The following HORMAD1 variants were observed in gnomAD, a reference collection of about 807,000 sequenced individuals.
HORMAD1 encodes the protein HORMA domain containing 1, also known as HORMA domain-containing protein 1.
In HORMAD1, 33 loss-of-function variants were observed where a neutral mutation model predicts 58.2. The ratio of observed to expected loss-of-function variants is 0.57; its 90% CI spans 0.43 to 0.76. HORMAD1 has a LOEUF of 0.76. Ranked by LOEUF, HORMAD1 falls within the 30% of genes least tolerant of loss-of-function variation. The pLI, the probability that HORMAD1 is intolerant of heterozygous loss-of-function variation, is 0.00. For synonymous variants in HORMAD1, 137 were observed against 144.6 expected (o/e 0.95, Z 0.38); for missense variants, 363 against 462.0 (o/e 0.79, Z 1.96).
intron 3 of HORMAD1, among the ~76,000 whole-genome samples, chr1:150,716,500 AGAGT>A (rs1652082107): frequency 6.6e-6 from 1 of 151,860 alleles, no homozygotes; most frequent in Admixed American, 6.6e-5. Context: ...TGAAATGTCC[AGAGT>A]AAGTAAATCT....
chr1:150,715,809 CATT>C (rs1652051792), intron 3 of HORMAD1, among the ~76,000 whole-genome samples: 1 of 151,914 alleles, frequency 6.6e-6, no homozygotes, highest in Admixed American at 6.6e-5. Context: ...TTTCTTTCAT[CATT>C]ATAAGCATAA....
chr1:150,717,793 G>A (rs1652130384), intron 2 of HORMAD1, among the ~76,000 whole-genome samples: 1 of 151,968 alleles, frequency 6.6e-6, no homozygotes, highest in African/African-American at 2.4e-5. Context: ...AGCTGGGCGT[G>A]GTGGCAGGCA....
chr1:150,708,288 C>A lies in HORMAD1; in HGVS notation c.515G>T (p.Cys172Phe). 6.2e-7 allele frequency: 1 copy of A among 1,604,304 alleles called. No individual in the cohort carries two copies. ...ATAGTAAAAAAGTTTCATGGTCAAA[C>A]AAACATCATTAGGTAAAGGCCCCAG... ...QNLGPLPNDV[C>F]LTMKLFYYDE... The change falls in exon 9 of 15, where the codon TGT becomes TTT. Residue 172 changes from cysteine to phenylalanine, a missense_variant. Cys to Phe is a radical substitution (Grantham distance 205). This residue lies in a region of HORMAD1 where 226 missense variants were observed against 257.8 expected (regional missense o/e 0.88). Coordinates refer to ENST00000361824, the MANE Select transcript of HORMAD1 (RefSeq NM_032132.5).
At chr1:150,720,440 C>CA (rs1285394029) in intron 1 of HORMAD1, among the ~76,000 whole-genome samples, 1 of 152,182 alleles carries the variant, frequency 6.6e-6, no homozygotes, top group Non-Finnish European at 1.5e-5. Context: ...CCTCCGGCCT[C>CA]AGCCGCCCAA....
In HORMAD1 at chr1:150,719,525, T is replaced by G. The variant is rs1444168344; in HGVS notation, c.-20A>C. The G allele has an allele frequency of 5.1e-6, 8 of 1,562,158 alleles. No homozygotes were observed. The highest frequency in any genetic ancestry group is 7.0e-6 in the Non-Finnish European group (8 of 1,149,450). On this transcript the variant is annotated 5_prime_UTR_variant, in exon 2 of 15. Coordinates refer to ENST00000361824, the MANE Select transcript of HORMAD1 (RefSeq NM_032132.5). ...GGCCATCTTCTTCTGATAAAGTATT[T>G]TCTTTAATTCAACCTTGTGACACAA...
In HORMAD1 at chr1:150,698,896, T is replaced by G. The variant is rs587639484; in HGVS notation, c.1105-162A>C. The G allele has an allele frequency of 2.5e-4, 121 of 483,502 alleles. 1 individual carries two copies. The highest frequency in any genetic ancestry group is 2.1e-3 in the African/African-American group (105 of 49,846). The allele number at this position is 483,502 out of a possible 1,614,324, so 30.0% of individuals were successfully genotyped here. A position where few individuals can be genotyped will look rare whatever the true frequency, so the allele number is the denominator to read the frequency against. On this transcript the variant is annotated intron_variant, in intron 14 of 14. Transcript: ENST00000361824. Reference sequence around the variant, plus strand: ...GGGTTTCTTAAAAGTAGAGTAAAATTTATTATTAACATCTTCCAATGGCTG... The same window carrying G: ...GGGTTTCTTAAAAGTAGAGTAAAATGTATTATTAACATCTTCCAATGGCTG...
At chr1:150,703,967 A>T in intron 12 of HORMAD1, 151 bp downstream of exon 12, 3 of 571,832 alleles carry the variant, frequency 5.2e-6, no homozygotes, top group Non-Finnish European at 9.1e-6. Flanking sequence ...ATCAACATAT[A>T]ATTTCCAGAT....
intron 10 of HORMAD1, among the ~76,000 whole-genome samples, chr1:150,704,569 G>A (rs1651633326): frequency 6.6e-6 from 1 of 152,062 alleles, no homozygotes; most frequent in Non-Finnish European, 1.5e-5. Context: ...AATATGATGA[G>A]ACCTCGTCTC....
At chr1:150,716,807 C>G (rs1652094342) in intron 3 of HORMAD1, among the ~76,000 whole-genome samples, 2 of 151,290 alleles carry the variant, frequency 1.3e-5, no homozygotes, top group Admixed American at 1.3e-4. Context: ...ACTAAAAATA[C>G]AAAAAATTAG....
In HORMAD1 at chr1:150,701,329, A is replaced by G. The variant is rs148155671; in HGVS notation, c.1033-1146T>C. On this transcript the variant is annotated intron_variant, in intron 13 of 14. Transcript: ENST00000361824. ...AAGTAGTAAATCTTGACATTCCTTTATCTCTTGCTTTCATGAGATACTCAT... is the reference window on the plus strand; with the variant it reads ...AAGTAGTAAATCTTGACATTCCTTTGTCTCTTGCTTTCATGAGATACTCAT... Among the ~76,000 whole-genome samples the G allele has an allele frequency of 9.1e-4, 139 of 152,252 alleles. 1 individual carries two copies. Among genetic ancestry groups the G allele is most frequent in the African/African-American group, 3.3e-3 (137 of 41,556 alleles).
intron 3 of HORMAD1, among the ~76,000 whole-genome samples, chr1:150,715,359 C>G (rs750368301): frequency 2.0e-5 from 3 of 152,078 alleles, no homozygotes; most frequent in South Asian, 2.1e-4. Flanking sequence ...AACAAAGAGG[C>G]CTGCAAAGAA....
At chr1:150,707,151 GTAAA>G (rs912067152) in intron 9 of HORMAD1, among the ~76,000 whole-genome samples, 1 of 152,128 alleles carries the variant, frequency 6.6e-6, no homozygotes, top group Non-Finnish European at 1.5e-5. Context: ...CTGGCACATA[GTAAA>G]TACTCAATAA....
At chr1:150,707,862 G>A (rs758402228) in intron 9 of HORMAD1, among the ~76,000 whole-genome samples, 9 of 152,162 alleles carry the variant, frequency 5.9e-5, no homozygotes, top group Non-Finnish European at 1.2e-4. Context: ...CTTGAACCCA[G>A]GAGGTGGAGG....
chr1:150,707,142 T>A (rs371656884), intron 9 of HORMAD1, among the ~76,000 whole-genome samples: 2 of 152,232 alleles, frequency 1.3e-5, no homozygotes, highest in East Asian at 1.9e-4. Context: ...AGAAGAGAAC[T>A]GGCACATAGT....
intron 12 of HORMAD1, 106 bp from the exon 13 acceptor site, chr1:150,703,499 G>T: frequency 1.6e-6 from 1 of 625,756 alleles, no homozygotes; most frequent in Non-Finnish European, 2.7e-6. Flanking sequence ...TTAGGGTCTT[G>T]TCAAGTTAAA....
chr1:150,702,279 C>T (rs1476764813), intron 13 of HORMAD1, among the ~76,000 whole-genome samples: 2 of 152,146 alleles, frequency 1.3e-5, no homozygotes, highest in Admixed American at 6.5e-5. Flanking sequence ...ACAACAGATG[C>T]TGACGAGGCT....
In HORMAD1 at chr1:150,711,817, A is replaced by T. The variant is rs756405274; in HGVS notation, c.300+16T>A. On this transcript the variant is annotated intron_variant, in intron 6 of 14. Transcript: ENST00000361824. ...GGCAGTATTAAAAAAAGAACACACA[A>T]TTTAAAAATACTTACAGCTAGAACA... 2.8e-5 allele frequency: 44 copies of T among 1,566,020 alleles called. No homozygotes were observed. The highest frequency in any genetic ancestry group is 3.2e-5 in the Non-Finnish European group (37 of 1,141,454).
Position 150,700,195 on chromosome 1 carries a change from T to C in HORMAD1, c.1033-12A>G, listed in dbSNP as rs758661478. The C allele has an allele frequency of 1.0e-5, 15 of 1,449,804 alleles. No individual in the cohort carries two copies. The highest frequency in any genetic ancestry group is 1.4e-5 in the African/African-American group (1 of 71,766). 89.8% of individuals were successfully genotyped at this position (1,449,804 alleles called of 1,614,324 possible). On this transcript the variant is annotated splice_polypyrimidine_tract_variant and intron_variant, in intron 13 of 14. Transcript: ENST00000361824. ...TGATTTCCATTTGCCTCCACAAAGA[T>C]AGAATAATTACTAATTGGTTATTTC...
intron 10 of HORMAD1, 32 bp downstream of exon 10, chr1:150,706,521 A>C: frequency 6.6e-7 from 1 of 1,517,476 alleles, no homozygotes; most frequent in Non-Finnish European, 9.0e-7. Context: ...ATTTGTTATT[A>C]TTGTTCTTTA....
Sources: gnomAD v4.1 joint callset for allele counts (sites outside exome capture counted in the v4.1 genomes callset) on GRCh38, gnomAD v4.1.1 for gene constraint, gnomAD v4.1.1 regional missense constraint, MANE v1.5 for transcripts, NCBI Gene and HGNC (gene_info 2026-07-23, HGNC 2026-07-21) for gene names.